The following PRKCB variants were observed in gnomAD, a reference collection of about 807,000 sequenced individuals.
PRKCB encodes the protein protein kinase C beta, also known as protein kinase C beta type.
A neutral mutation model predicts 81.5 loss-of-function variants in PRKCB; 13 were observed. The observed-to-expected ratio is 0.16, with a 90% CI of 0.10 to 0.25. The LOEUF (loss-of-function observed/expected upper bound fraction) is 0.25. Among genes scored for constraint, PRKCB ranks in the 10% least tolerant of loss-of-function variants. The pLI is 1.00. For synonymous variants in PRKCB, 335 were observed against 321.4 expected (o/e 1.04, Z -0.45); for missense variants, 509 against 875.7 (o/e 0.58, Z 5.29).
rs183802775 is a variant in PRKCB, at chr16:24,089,634, A to G, written c.530-3157A>G. ...AAATTTTTTTAAAAATTAGTTAGGC[A>G]TAGGTTGGCAAGCACCTGTAGTCCC... On this transcript the variant is annotated intron_variant, in intron 5 of 16. Coordinates refer to ENST00000643927, the MANE Select transcript of PRKCB (RefSeq NM_002738.7). 7.8e-4 allele frequency among the ~76,000 whole-genome samples: 118 copies of G among 152,192 alleles called. 1 individual carries two copies. The highest frequency in any genetic ancestry group is 2.5e-3 in the African/African-American group (102 of 41,542).
chr16:24,095,445 C>T (rs1966427871), intron 7 of PRKCB, among the ~76,000 whole-genome samples: 1 of 151,932 alleles, frequency 6.6e-6, no homozygotes, highest in Admixed American at 6.6e-5. Flanking sequence ...GTTGGCAGGT[C>T]CAGGTGGGGC....
chr16:24,055,420 G>A (rs958822793), intron 5 of PRKCB, among the ~76,000 whole-genome samples: 5 of 152,224 alleles, frequency 3.3e-5, no homozygotes, highest in Admixed American at 1.3e-4. Context: ...CTCCCCTGAC[G>A]AGCTGCATGC....
chr16:23,891,879 C>T (rs1006351715), intron 2 of PRKCB, among the ~76,000 whole-genome samples: 6 of 152,154 alleles, frequency 3.9e-5, no homozygotes, highest in African/African-American at 1.2e-4. Context: ...TTTGCAGGCT[C>T]GGACCAGAAG....
intron 2 of PRKCB, among the ~76,000 whole-genome samples, chr16:23,896,525 G>C (rs1010124231): frequency 6.6e-6 from 1 of 152,100 alleles, no homozygotes; most frequent in African/African-American, 2.4e-5. Context: ...AACCAATAAG[G>C]GTCTCAAGGA....
At chr16:23,956,714 A>G (rs1964353920) in intron 2 of PRKCB, among the ~76,000 whole-genome samples, 1 of 152,200 alleles carries the variant, frequency 6.6e-6, no homozygotes, top group South Asian at 2.1e-4. Flanking sequence ...TAAAATACCT[A>G]TTGTTAAGCC....
chr16:24,141,173 C>A (rs751494693), intron 9 of PRKCB, among the ~76,000 whole-genome samples: 1 of 152,022 alleles, frequency 6.6e-6, no homozygotes, highest in African/African-American at 2.4e-5. Context: ...TGCTGTGAGA[C>A]CTCTTGCTTT....
At chr16:24,159,901 A>G (rs1967227185) in intron 10 of PRKCB, among the ~76,000 whole-genome samples, 1 of 152,100 alleles carries the variant, frequency 6.6e-6, no homozygotes, top group African/African-American at 2.4e-5. Flanking sequence ...GGGAGGGTCA[A>G]CTGAGCCTGG....
At position 23,988,601 on chromosome 16, in the gene PRKCB, G is replaced by C; in HGVS notation, c.288+11G>C. The C allele has an allele frequency of 6.2e-7, 1 of 1,612,140 alleles. No homozygotes were observed. The highest frequency in any genetic ancestry group is 1.3e-5 in the African/African-American group (1 of 74,958). The stretch of plus-strand genomic sequence containing the variant: ...GGTCCAGCCTCCGATGTAAGTAATG[G>C]GCATCGATTGCTTTTCTCTGTCCAC... On this transcript the variant is annotated intron_variant, in intron 3 of 16. Coordinates refer to ENST00000643927, the MANE Select transcript of PRKCB (RefSeq NM_002738.7).
At chr16:23,989,216 G>T (rs1010509965) in intron 3 of PRKCB, among the ~76,000 whole-genome samples, 1 of 152,040 alleles carries the variant, frequency 6.6e-6, no homozygotes, top group African/African-American at 2.4e-5. Context: ...CCGCCGCCTC[G>T]GCCTCCCAAA....
At chr16:23,979,499 A>T (rs1253727156) in intron 2 of PRKCB, among the ~76,000 whole-genome samples, 1 of 152,184 alleles carries the variant, frequency 6.6e-6, no homozygotes, top group Non-Finnish European at 1.5e-5. Flanking sequence ...CTCTGTGGAC[A>T]CCAGTTAAGG....
At chr16:23,895,810 C>A (rs183424553) in intron 2 of PRKCB, among the ~76,000 whole-genome samples, 406 of 152,312 alleles carry the variant, frequency 2.7e-3, no homozygotes, top group African/African-American at 9.5e-3. Context: ...ACATGGAACA[C>A]ACACTGCTAT....
chr16:24,119,440 G>A (rs1043873307), intron 8 of PRKCB, among the ~76,000 whole-genome samples: 3 of 152,194 alleles, frequency 2.0e-5, no homozygotes, highest in Admixed American at 1.3e-4. Flanking sequence ...GGGAGTGTGT[G>A]CTGGGACCCG....
intron 2 of PRKCB, among the ~76,000 whole-genome samples, chr16:23,919,026 C>T (rs943922033): frequency 9.2e-5 from 14 of 152,250 alleles, no homozygotes; most frequent in African/African-American, 3.1e-4. Flanking sequence ...TTAGAAATTC[C>T]GTTTAGATAC....
Position 24,218,136 on chromosome 16 carries a change from G to A in PRKCB, c.*3320G>A. On this transcript the variant is annotated 3_prime_UTR_variant, in exon 17 of 17. Coordinates refer to ENST00000643927, the MANE Select transcript of PRKCB (RefSeq NM_002738.7). Reference sequence around the variant, plus strand: ...GACCCTGTTTATTGTTTCTCTCCAAGAAATTCTCCAAGAATATTGTTTCTT... The same window carrying A: ...GACCCTGTTTATTGTTTCTCTCCAAAAAATTCTCCAAGAATATTGTTTCTT... The A allele has an allele frequency of 1.0e-6, 1 of 985,226 alleles. No individual in the cohort carries two copies. Among genetic ancestry groups the A allele is most frequent in the South Asian group, 4.7e-5 (1 of 21,274 alleles). 61.0% of individuals were successfully genotyped at this position (985,226 alleles called of 1,614,324 possible). A position where few individuals can be genotyped will look rare whatever the true frequency, so the allele number is the denominator to read the frequency against.
At chr16:24,172,235 G>T (rs1173987575) in intron 10 of PRKCB, 35 bp from the exon 11 acceptor site, 1 of 1,525,950 alleles carries the variant, frequency 6.6e-7, no homozygotes, top group South Asian at 1.1e-5. Flanking sequence ...AGAAGCTACG[G>T]GATGCTAATG....
At chr16:24,131,936 G>A (rs1966853899) in intron 9 of PRKCB, among the ~76,000 whole-genome samples, 1 of 152,108 alleles carries the variant, frequency 6.6e-6, no homozygotes, top group Admixed American at 6.5e-5. Context: ...CAATTCGTGT[G>A]CGTACCTGGA....
At chr16:24,152,654 G>A (rs1053957774) in intron 9 of PRKCB, among the ~76,000 whole-genome samples, 1 of 152,142 alleles carries the variant, frequency 6.6e-6, no homozygotes, top group Non-Finnish European at 1.5e-5. Context: ...CTACATCTTA[G>A]GAAAGTGACT....
rs564918145 is a variant in PRKCB, at chr16:23,937,493, G to T, written c.206-51015G>T. 3.3e-5 allele frequency among the ~76,000 whole-genome samples: 5 copies of T among 152,278 alleles called. No individual in the cohort carries two copies. The South Asian group carries it at 1.0e-3, about 32-fold the overall frequency. On this transcript the variant is annotated intron_variant, in intron 2 of 16. Transcript: ENST00000643927. ...CCTCTGATGCAGCATTTACAAGTTT[G>T]CCCTCAAATGCCCATAGAATAGGAG...
At chr16:23,961,503 T>C (rs773079939) in intron 2 of PRKCB, among the ~76,000 whole-genome samples, 4 of 152,226 alleles carry the variant, frequency 2.6e-5, no homozygotes, top group Non-Finnish European at 5.9e-5. Flanking sequence ...TCTTCATCAA[T>C]GGTATCTTAA....
Sources: allele counts gnomAD v4.1 joint callset (sites outside exome capture counted in the v4.1 genomes callset), GRCh38; gene constraint gnomAD v4.1.1; transcripts MANE v1.5; gene names NCBI Gene and HGNC (gene_info 2026-07-23, HGNC 2026-07-21).